Variants in PCDHA6 observed in about 807,000 individuals in gnomAD.
PCDHA6 encodes protocadherin alpha-6.
Under a neutral mutation model 60.3 loss-of-function variants are expected in PCDHA6, and 55 were observed. The observed-to-expected ratio is 0.91, with a 90% CI of 0.73 to 1.14. The LOEUF is 1.14. PCDHA6 is among the 50% of genes most tolerant of loss of function. The probability of loss-of-function intolerance (pLI) is 0.00; values close to 1 mark genes in which losing one functional copy is unlikely to be tolerated. For synonymous variants in PCDHA6, 652 were observed against 557.9 expected (o/e 1.17, Z -2.38); for missense variants, 1,327 against 1,256.5 (o/e 1.06, Z -0.85).
intron 3 of PCDHA6, among the ~76,000 whole-genome samples, chr5:140,997,668 T>TTGTGTG (rs35184029): frequency 3.8e-4 from 56 of 148,342 alleles, no homozygotes; most frequent in African/African-American, 8.5e-4. Context: ...ATTATACAGC[T>TTGTGTG]TGTGTGTGTG....
At chr5:141,006,328 C>CA (rs1258327155) in intron 3 of PCDHA6, among the ~76,000 whole-genome samples, 12 of 152,060 alleles carry the variant, frequency 7.9e-5, no homozygotes, top group Non-Finnish European at 1.6e-4. Flanking sequence ...TCTCCTGCCT[C>CA]AGCCTCCTGA....
In PCDHA6 at chr5:140,886,699, G is replaced by A. The variant is rs540537249; in HGVS notation, c.2394+56214G>A. Among the ~76,000 whole-genome samples the A allele has an allele frequency of 7.8e-4, 119 of 151,966 alleles. 1 individual carries two copies. In the East Asian group the frequency reaches 0.01, roughly 13 times the overall value. ...AAATTAGCGAGGCATGGTGGCACGC[G>A]CCTGTAATCCCAGCTACTTGGGAGG... On this transcript the variant is annotated intron_variant, in intron 1 of 3. Transcript: ENST00000529310.
intron 3 of PCDHA6, among the ~76,000 whole-genome samples, chr5:140,996,540 T>C (rs2097730922): frequency 1.3e-5 from 2 of 152,218 alleles, no homozygotes. Flanking sequence ...TGTTTTGATA[T>C]TATGCTGTCA....
In PCDHA6 at chr5:140,978,964, C is replaced by A; in HGVS notation, c.2410C>A (p.Pro804Thr). The A allele has an allele frequency of 6.2e-7, 1 of 1,614,122 alleles. No individual in the cohort carries two copies. The highest frequency in any genetic ancestry group is 1.3e-5 in the African/African-American group (1 of 75,040). ...GATTTTGCAGCCACGACAGCCCAAC[C>A]CTGACTGGCGTTACTCTGCCTCCCT... The part of the protein sequence containing the change: ...DHDAKPRQPN[P>T]DWRYSASLRA... Residue 804 changes from proline (P) to threonine (T), a missense_variant, in exon 2 of 4, where the codon CCT becomes ACT. Transcript: ENST00000529310.
chr5:140,927,948 C>G, intron 1 of PCDHA6: 4 of 1,614,190 alleles, frequency 2.5e-6, no homozygotes, highest in Non-Finnish European at 3.4e-6. Flanking sequence ...TACCTGAGGA[C>G]GCTGCCCCTG....
intron 1 of PCDHA6, chr5:140,836,319 C>G (rs577271797): frequency 1.2e-6 from 2 of 1,613,720 alleles, no homozygotes; most frequent in Middle Eastern, 1.6e-4. Context: ...ACCGCGCCAC[C>G]GCCTTCTGGT....
rs2150411211 is a variant in PCDHA6, at chr5:140,848,488, T to C, written c.2394+18003T>C. The C allele has an allele frequency of 1.0e-5, 16 of 1,574,158 alleles. 1 individual carries two copies. The highest frequency in any genetic ancestry group is 3.4e-4 in the Middle Eastern group (2 of 5,918). On this transcript the variant is annotated intron_variant, in intron 1 of 3. Coordinates refer to ENST00000529310, the MANE Select transcript of PCDHA6 (RefSeq NM_018909.4). ...TTTCACTAATTAGAAGAAGACTGAG[T>C]ATTTGAAATGTTATACTCAAGTCGA... is the stretch of plus-strand genomic sequence containing the variant.
Position 140,882,921 on chromosome 5 carries a change from G to A in PCDHA6, c.2394+52436G>A, listed in dbSNP as rs1554176106. ...TTATTACTGACAGCCAGTGATGGAG[G>A]TAAACCCGAGCTGACTGGCACAGTT... On this transcript the variant is annotated intron_variant, in intron 1 of 3. Coordinates refer to ENST00000529310, the MANE Select transcript of PCDHA6 (RefSeq NM_018909.4). 5.0e-6 allele frequency: 8 copies of A among 1,614,194 alleles called. No individual in the cohort carries two copies. Among genetic ancestry groups the A allele is most frequent in the Non-Finnish European group, 6.8e-6 (8 of 1,180,048 alleles).
intron 1 of PCDHA6, among the ~76,000 whole-genome samples, chr5:140,908,387 T>A (rs536105622): frequency 1.3e-5 from 2 of 152,230 alleles, no homozygotes; most frequent in Admixed American, 1.3e-4. Flanking sequence ...TCGAGCCCGA[T>A]CACATATATA....
chr5:140,925,782 A>T (rs567008166), intron 1 of PCDHA6, among the ~76,000 whole-genome samples: 10 of 152,174 alleles, frequency 6.6e-5, no homozygotes, highest in Admixed American at 4.6e-4. Context: ...AACTCTAATG[A>T]GTATCTCAGT....
At chr5:140,976,310 G>A (rs1216220776) in intron 1 of PCDHA6, among the ~76,000 whole-genome samples, 1 of 152,036 alleles carries the variant, frequency 6.6e-6, no homozygotes, top group African/African-American at 2.4e-5. Context: ...CAGCACTTTG[G>A]GAGGCCGAGG....
At chr5:140,945,371 A>G (rs926668947) in intron 1 of PCDHA6, among the ~76,000 whole-genome samples, 2 of 152,104 alleles carry the variant, frequency 1.3e-5, no homozygotes, top group African/African-American at 4.8e-5. Context: ...AAATGTCCAT[A>G]TTACCCAAAG....
rs2150353812 is a variant in PCDHA6, at chr5:140,843,145, G to T, written c.2394+12660G>T. ...ACTCGGGCTACAACGCGTGGCTTTCGTATGAGCTGCAGCCAGCTGCAAGCA... is the reference window on the plus strand; with the variant it reads ...ACTCGGGCTACAACGCGTGGCTTTCTTATGAGCTGCAGCCAGCTGCAAGCA... On this transcript the variant is annotated intron_variant, in intron 1 of 3. Coordinates refer to ENST00000529310, the MANE Select transcript of PCDHA6 (RefSeq NM_018909.4). 3.8e-6 allele frequency: 6 copies of T among 1,596,072 alleles called. 1 individual carries two copies. Among genetic ancestry groups the T allele is most frequent in the Middle Eastern group, 3.4e-4 (2 of 5,956 alleles).
chr5:140,982,843 A>G (rs782122104), intron 3 of PCDHA6, among the ~76,000 whole-genome samples: 1 of 152,090 alleles, frequency 6.6e-6, no homozygotes, highest in Non-Finnish European at 1.5e-5. Flanking sequence ...GTTTGTTTAA[A>G]TCAGGTACCT....
chr5:140,988,827 G>A (rs1554250450), intron 3 of PCDHA6: 1 of 152,132 alleles, frequency 6.6e-6, no homozygotes, highest in African/African-American at 2.4e-5. Flanking sequence ...CCCAAACAGA[G>A]ATCACGTGTC....
Position 140,842,781 on chromosome 5 carries a change from A to G in PCDHA6, c.2394+12296A>G. ...GCGCGAGACGCGGACGCGCAGGAGA[A>G]CGCGCTGGTGTCCTACTCGCTTGTG... is the stretch of plus-strand genomic sequence containing the variant. On this transcript the variant is annotated intron_variant, in intron 1 of 3. Transcript: ENST00000529310. The G allele has an allele frequency of 1.3e-6, 2 of 1,594,512 alleles. 1 individual carries two copies. Among genetic ancestry groups the G allele is most frequent in the Non-Finnish European group, 1.7e-6 (2 of 1,165,394 alleles).
chr5:140,904,195 C>T (rs1554191353), intron 1 of PCDHA6, among the ~76,000 whole-genome samples: 1 of 151,930 alleles, frequency 6.6e-6, no homozygotes, highest in Admixed American at 6.6e-5. Context: ...CCCACCCTTT[C>T]CCCCTAAGTC....
intron 3 of PCDHA6, among the ~76,000 whole-genome samples, chr5:140,987,129 G>A (rs1281954011): frequency 1.3e-5 from 2 of 151,758 alleles, no homozygotes; most frequent in African/African-American, 4.8e-5. Flanking sequence ...CAGGAGAATT[G>A]CTTGAACTCG....
At chr5:140,872,211 T>C (rs2053549148) in intron 1 of PCDHA6, among the ~76,000 whole-genome samples, 1 of 152,218 alleles carries the variant, frequency 6.6e-6, no homozygotes, top group South Asian at 2.1e-4. Flanking sequence ...ATTCATTATA[T>C]ATGAAACAAT....
Sources: gnomAD v4.1 joint callset for allele counts (sites outside exome capture counted in the v4.1 genomes callset) on GRCh38, gnomAD v4.1.1 for gene constraint, MANE v1.5 for transcripts, NCBI Gene and HGNC (gene_info 2026-07-23, HGNC 2026-07-21) for gene names.